CTNNA2: variants seen among roughly 807,000 people sequenced by gnomAD.
CTNNA2 encodes the protein catenin alpha-2.
Under a neutral mutation model 101.0 loss-of-function variants are expected in CTNNA2, and 42 were observed. The observed-to-expected ratio is 0.42, with a 90% confidence interval of 0.32 to 0.54. CTNNA2 has a LOEUF of 0.54. Ranked by LOEUF, CTNNA2 falls within the 20% of genes least tolerant of loss-of-function variation. The pLI, the probability that CTNNA2 is intolerant of heterozygous loss-of-function variation, is 0.14. For synonymous variants in CTNNA2, 450 were observed against 456.4 expected (o/e 0.99, Z 0.18); for missense variants, 871 against 1,223.1 (o/e 0.71, Z 4.29).
intron 2 of CTNNA2, among the ~76,000 whole-genome samples, chr2:79,665,310 A>C (rs1187214962): frequency 6.6e-6 from 1 of 151,972 alleles, no homozygotes; most frequent in East Asian, 1.9e-4. Flanking sequence ...GTTATCTCAC[A>C]GTGTTTTGAT....
At chr2:80,221,733 C>T (rs1042302742) in intron 7 of CTNNA2, among the ~76,000 whole-genome samples, 1 of 152,108 alleles carries the variant, frequency 6.6e-6, no homozygotes, top group Non-Finnish European at 1.5e-5. Flanking sequence ...TGCTACATGT[C>T]TTATAAACTG....
intron 3 of CTNNA2, among the ~76,000 whole-genome samples, chr2:79,778,848 A>G (rs1004805534): frequency 2.0e-5 from 3 of 152,218 alleles, no homozygotes; most frequent in Non-Finnish European, 4.4e-5. Flanking sequence ...GCCAGTTTGA[A>G]AAATCAAAGT....
At chr2:79,261,732 C>T (rs529710523) in intron 2 of CTNNA2, among the ~76,000 whole-genome samples, 2 of 152,298 alleles carry the variant, frequency 1.3e-5, no homozygotes, top group Admixed American at 6.5e-5. Flanking sequence ...TAATTACCTC[C>T]TTAAAAGCTC....
At chr2:79,955,812 G>A (rs990360883) in intron 7 of CTNNA2, among the ~76,000 whole-genome samples, 3 of 152,094 alleles carry the variant, frequency 2.0e-5, no homozygotes, top group Admixed American at 1.3e-4. Context: ...CACCACACTC[G>A]GCCCCCAGGG....
At chr2:80,122,572 T>C (rs1386936103) in intron 7 of CTNNA2, among the ~76,000 whole-genome samples, 1 of 152,128 alleles carries the variant, frequency 6.6e-6, no homozygotes, top group African/African-American at 2.4e-5. Flanking sequence ...TACGTATTGG[T>C]TTTCCACATA....
At chr2:79,624,000 C>T (rs1679153239) in intron 1 of CTNNA2, among the ~76,000 whole-genome samples, 1 of 152,014 alleles carries the variant, frequency 6.6e-6, no homozygotes, top group African/African-American at 2.4e-5. Context: ...CTCTCTCTCC[C>T]CCGTACAGTC....
At chr2:80,090,327 G>A (rs996053193) in intron 7 of CTNNA2, among the ~76,000 whole-genome samples, 1 of 151,920 alleles carries the variant, frequency 6.6e-6, no homozygotes, top group African/African-American at 2.4e-5. Flanking sequence ...TGGTCAAGAA[G>A]ACATGACTGA....
chr2:80,609,871 TG>T (rs1307974113), intron 17 of CTNNA2, among the ~76,000 whole-genome samples: 1 of 151,734 alleles, frequency 6.6e-6, no homozygotes, highest in East Asian at 1.9e-4. Context: ...CAGTACCCAT[TG>T]TTTGTCACTG....
intron 7 of CTNNA2, among the ~76,000 whole-genome samples, chr2:80,259,543 C>A (rs887668069): frequency 6.6e-6 from 1 of 152,154 alleles, no homozygotes; most frequent in Non-Finnish European, 1.5e-5. Flanking sequence ...TCCCGCAGTC[C>A]TAAGTGGCCT....
chr2:79,951,846 A>T (rs1688906015), intron 7 of CTNNA2, among the ~76,000 whole-genome samples: 2 of 152,148 alleles, frequency 1.3e-5, no homozygotes, highest in Non-Finnish European at 2.9e-5. Context: ...CCTGATGCCA[A>T]TGCTGTCAAC....
chr2:79,770,812 T>G (rs1418485897), intron 3 of CTNNA2, among the ~76,000 whole-genome samples: 1 of 152,236 alleles, frequency 6.6e-6, no homozygotes, highest in African/African-American at 2.4e-5. Flanking sequence ...GTTCAAGTTA[T>G]GACAGCCAGT....
At chr2:79,702,461 A>C (rs1024427553) in intron 2 of CTNNA2, among the ~76,000 whole-genome samples, 5 of 152,160 alleles carry the variant, frequency 3.3e-5, no homozygotes, top group African/African-American at 1.2e-4. Flanking sequence ...TTTTACAGAA[A>C]AAAAAGTGTG....
intron 3 of CTNNA2, among the ~76,000 whole-genome samples, chr2:79,818,310 GTTTTTGT>G (rs1315188580): frequency 6.6e-6 from 1 of 151,732 alleles, no homozygotes; most frequent in Non-Finnish European, 1.5e-5. Context: ...ATTTACCTTT[GTTTTTGT>G]TTTTTGTTTT....
intron 3 of CTNNA2, chr2:79,339,949 G>T (rs1343847657): frequency 1.3e-5 from 2 of 152,070 alleles, no homozygotes; most frequent in African/African-American, 2.4e-5. Context: ...CTTACCCAGG[G>T]GTCATCTGAG....
chr2:80,038,736 C>G (rs1286512764), intron 7 of CTNNA2, among the ~76,000 whole-genome samples: 1 of 152,140 alleles, frequency 6.6e-6, no homozygotes, highest in Non-Finnish European at 1.5e-5. Context: ...ATCCCAGCTA[C>G]TGGGGAGGCT....
At position 80,635,677 on chromosome 2, in the gene CTNNA2, C is replaced by G. The variant is rs183355062; in HGVS notation, c.2575-11908C>G. ...GTGACATGAGTCAAATCATAGCCCT[C>G]TCCTGTGCAGTTCTGTTAGTTAGAA... On this transcript the variant is annotated intron_variant, in intron 18 of 18. Coordinates refer to ENST00000402739, the MANE Select transcript of CTNNA2 (RefSeq NM_001282597.3). Among the ~76,000 whole-genome samples the G allele has an allele frequency of 1.4e-4, 22 of 152,232 alleles. No homozygotes were observed. The East Asian group carries it at 3.3e-3, about 23-fold the overall frequency.
At chr2:80,536,568 G>C (rs902234027) in intron 9 of CTNNA2, among the ~76,000 whole-genome samples, 2 of 152,122 alleles carry the variant, frequency 1.3e-5, no homozygotes, top group African/African-American at 4.8e-5. Flanking sequence ...GTTTCAAACA[G>C]AACAGAATCA....
At chr2:79,952,420 G>A (rs1688950951) in intron 7 of CTNNA2, among the ~76,000 whole-genome samples, 2 of 152,126 alleles carry the variant, frequency 1.3e-5, no homozygotes, top group African/African-American at 4.8e-5. Context: ...CTCAAAAAGG[G>A]AGGTAAAGAT....
At chr2:79,939,024 A>G (rs1261714082) in intron 7 of CTNNA2, among the ~76,000 whole-genome samples, 3 of 152,192 alleles carry the variant, frequency 2.0e-5, no homozygotes, top group South Asian at 2.1e-4. Flanking sequence ...CTGGGTTCCA[A>G]CATAATCATG....
Sources: gnomAD v4.1 joint callset for allele counts (sites outside exome capture counted in the v4.1 genomes callset) on GRCh38, gnomAD v4.1.1 for gene constraint, MANE v1.5 for transcripts, NCBI Gene and HGNC (gene_info 2026-07-23, HGNC 2026-07-21) for gene names.